The following CAPN14 variants were observed in gnomAD, a reference collection of about 807,000 sequenced individuals.
The protein encoded by CAPN14 is calpain-14.
CAPN14 carries 94 observed loss-of-function variants against 101.3 expected under a neutral mutation model. That is an observed-to-expected ratio of 0.93 (90% CI 0.79 to 1.10). The LOEUF (loss-of-function observed/expected upper bound fraction) is 1.10, where lower values mean the gene tolerates loss of function less well. CAPN14 is among the 50% of genes least tolerant of loss of function. The pLI is 0.00. For missense variants in CAPN14, 837 were observed against 828.4 expected (o/e 1.01, Z -0.13); for synonymous variants, 338 against 317.9 (o/e 1.06, Z -0.67).
chr2:31,194,926 T>A (rs1188365498), intron 8 of CAPN14, among the ~76,000 whole-genome samples: 1 of 152,146 alleles, frequency 6.6e-6, no homozygotes. Flanking sequence ...TGAGAAACTG[T>A]TTTCAGATAT....
At chr2:31,212,310 AAC>A (rs1172881607) in intron 1 of CAPN14, among the ~76,000 whole-genome samples, 1 of 119,172 alleles carries the variant, frequency 8.4e-6, no homozygotes, top group Non-Finnish European at 1.9e-5. Flanking sequence ...ACCGTCTCAA[AAC>A]AAAAAAAAAA....
intron 16 of CAPN14, among the ~76,000 whole-genome samples, chr2:31,185,902 T>C (rs570347946): frequency 4.6e-5 from 7 of 152,324 alleles, no homozygotes; most frequent in African/African-American, 1.7e-4. Flanking sequence ...TAAAATATTT[T>C]ATATGGACTT....
chr2:31,208,186 T>C (rs1222091067), intron 1 of CAPN14, among the ~76,000 whole-genome samples: 5 of 151,880 alleles, frequency 3.3e-5, no homozygotes, highest in African/African-American at 4.8e-5. Flanking sequence ...AAAAAAAAAC[T>C]GGAGTTTTTT....
At chr2:31,194,893 A>G (rs748269039) in intron 8 of CAPN14, among the ~76,000 whole-genome samples, 6 of 152,214 alleles carry the variant, frequency 3.9e-5, no homozygotes, top group Non-Finnish European at 7.3e-5. Flanking sequence ...CCTACCATCA[A>G]GAAATAAAAA....
chr2:31,181,154 G>T (rs1308662057), intron 16 of CAPN14, among the ~76,000 whole-genome samples, 154 bp from the exon 17 acceptor site: 3 of 152,078 alleles, frequency 2.0e-5, no homozygotes, highest in South Asian at 2.1e-4. Context: ...GTAGAGAGAC[G>T]GGGGGGTGAC....
rs1181665050 is a variant in CAPN14 at position 31,173,229 on chromosome 2, A to T, written c.*1452T>A. The T allele has an allele frequency of 6.6e-6, 1 of 152,210 alleles. No individual in the cohort carries two copies. Among genetic ancestry groups the T allele is most frequent in the Non-Finnish European group, 1.5e-5 (1 of 68,030 alleles). 9.4% of individuals were successfully genotyped at this position (152,210 alleles called of 1,614,324 possible). ...TGTATCTGGCACTTTATGGAAACCC[A>T]TTTTACATTTTATCATTTGGAATAA... On this transcript the variant is annotated 3_prime_UTR_variant, in exon 22 of 22. Transcript: ENST00000403897.
chr2:31,184,179 G>C (rs1221036129), intron 16 of CAPN14, among the ~76,000 whole-genome samples: 1 of 152,164 alleles, frequency 6.6e-6, no homozygotes, highest in African/African-American at 2.4e-5. Context: ...CACCGCGCCC[G>C]GCCCTCCTCA....
At chr2:31,190,428 C>A (rs1335740218) in intron 12 of CAPN14, among the ~76,000 whole-genome samples, 1 of 152,124 alleles carries the variant, frequency 6.6e-6, no homozygotes, top group Non-Finnish European at 1.5e-5. Flanking sequence ...CATCCAATTG[C>A]CCTCTTTGCC....
In CAPN14 at chr2:31,188,330, G is replaced by C. The variant is rs541844161; in HGVS notation, c.1518C>G (p.Val506=). 3 of 1,551,378 alleles carry C rather than the reference G, an allele frequency of 1.9e-6. No individual in the cohort carries two copies. Among genetic ancestry groups the C allele is most frequent in the African/African-American group, 1.4e-5 (1 of 73,036 alleles). ...IFYEIGSNSG[V]VFSKEIEDQN... ...CCAGACTACTCACCTTTGAGAAGAC[G>C]ACACCAGAATTGCTGCCAATTTCAC... The change falls in exon 14 of 22, where the codon GTC becomes GTG. Residue 506 remains valine, a synonymous_variant. Coordinates refer to ENST00000403897, the MANE Select transcript of CAPN14 (RefSeq NM_001145122.2).
upstream of CAPN14, among the ~76,000 whole-genome samples, chr2:31,218,602 C>T (rs183157479): frequency 3.7e-3 from 557 of 152,276 alleles, 7 homozygotes; most frequent in South Asian, 0.036. Context: ...AAGCACAATG[C>T]TAAGCACATT....
chr2:31,177,105 G>T lies in CAPN14; in HGVS notation c.1893C>A (p.Leu631=). The T allele has an allele frequency of 6.4e-7, 1 of 1,551,324 alleles. No individual in the cohort carries two copies. Among genetic ancestry groups the T allele is most frequent in the South Asian group, 1.2e-5 (1 of 83,990 alleles). The change falls in exon 20 of 22, where the codon CTC becomes CTA. Residue 631 remains leucine (L), a synonymous_variant. Transcript: ENST00000403897. Reference sequence around the variant, plus strand: ...GGAGGCGGGGGCCGCCGTAGCGGATGAGCATCAGCTGACAGACGTCATCAC... The same window carrying T: ...GGAGGCGGGGGCCGCCGTAGCGGATTAGCATCAGCTGACAGACGTCATCAC... The part of the protein sequence containing the change: ...MLSDDVCQLM[L]IRYGGPRLQM...
At chr2:31,179,376 C>G (rs936425118) in intron 17 of CAPN14, among the ~76,000 whole-genome samples, 2 of 152,072 alleles carry the variant, frequency 1.3e-5, no homozygotes, top group Non-Finnish European at 2.9e-5. Context: ...AAGCTGCATC[C>G]ATGTCCCTAT....
At chr2:31,201,604 G>A (rs1681782125) in intron 5 of CAPN14, among the ~76,000 whole-genome samples, 1 of 152,138 alleles carries the variant, frequency 6.6e-6, no homozygotes, top group East Asian at 1.9e-4. Flanking sequence ...TTCCATCCCA[G>A]GAGCAAAGGA....
Position 31,230,035 on chromosome 2 carries a change from A to G in CAPN14, c.-176-3384T>C, listed in dbSNP as rs1411242861. On this transcript the variant is annotated intron_variant and NMD_transcript_variant, in intron 1 of 21. Coordinates refer to the CAPN14 transcript ENST00000398824. The surrounding 1 kb of genome is among the most constrained non-coding windows in gnomAD (Gnocchi z 4.3). ...CATCTGTAGAGTATGTATTTTTTGT[A>G]ACTTTCATTTTAGGTTCGGGGGTAC... is the stretch of plus-strand genomic sequence containing the variant. Among the ~76,000 whole-genome samples the G allele has an allele frequency of 3.9e-5, 6 of 152,142 alleles. No individual in the cohort carries two copies. Among genetic ancestry groups the G allele is most frequent in the African/African-American group, 1.4e-4 (6 of 41,418 alleles).
chr2:31,210,141 T>C (rs1682313795), intron 1 of CAPN14, among the ~76,000 whole-genome samples: 2 of 152,206 alleles, frequency 1.3e-5, no homozygotes, highest in South Asian at 4.1e-4. Flanking sequence ...ACTGTATCTC[T>C]GCCATTGAAA....
In CAPN14 at chr2:31,193,298, T is replaced by G. The variant is rs1041281418; in HGVS notation, c.951-4A>C. The G allele has an allele frequency of 1.3e-6, 2 of 1,551,216 alleles. No homozygotes were observed. Among genetic ancestry groups the G allele is most frequent in the Non-Finnish European group, 1.7e-6 (2 of 1,146,814 alleles). ...TTTAAAGTCCTGCAGCGTCATCCTG[T>G]GGAGAGAAGAAGGAAAAGCACAAAG... On this transcript the variant is annotated splice_region_variant and splice_polypyrimidine_tract_variant and intron_variant, in intron 9 of 21. Transcript: ENST00000403897.
chr2:31,178,812 G>A (rs1469982199), intron 17 of CAPN14, among the ~76,000 whole-genome samples: 2 of 152,070 alleles, frequency 1.3e-5, no homozygotes, highest in Non-Finnish European at 2.9e-5. Flanking sequence ...TGGGAGAAGC[G>A]ATGATGATGG....
chr2:31,191,908 G>A (rs1488448164), intron 11 of CAPN14, 27 bp downstream of exon 11: 5 of 1,520,824 alleles, frequency 3.3e-6, no homozygotes, highest in East Asian at 2.5e-5. Flanking sequence ...TTGGTCCCAT[G>A]CCCCTGTGGT....
intron 2 of CAPN14, among the ~76,000 whole-genome samples, chr2:31,224,021 C>T (rs1682944518): frequency 6.6e-6 from 1 of 152,158 alleles, no homozygotes; most frequent in Admixed American, 6.5e-5. Context: ...GCAACTACAT[C>T]TCAGTATTGA....
Sources: gnomAD v4.1 joint callset for allele counts (sites outside exome capture counted in the v4.1 genomes callset) on GRCh38, gnomAD v4.1.1 for gene constraint, Gnocchi (gnomAD v3.1) non-coding constraint, MANE v1.5 for transcripts, NCBI Gene and HGNC (gene_info 2026-07-23, HGNC 2026-07-21) for gene names.